The following POLR1G variants were observed in gnomAD, a reference collection of about 807,000 sequenced individuals.
POLR1G encodes RNA polymerase I subunit G.
POLR1G carries 9 observed loss-of-function variants against 6.3 expected under a neutral mutation model. That is an observed-to-expected ratio of 1.44 (90% CI 0.87 to 2.51). The LOEUF is 2.51. Among genes scored for constraint, POLR1G ranks in the 30% most tolerant of loss-of-function variants. POLR1G has a pLI of 0.00. For synonymous variants in POLR1G, 248 were observed against 256.5 expected, an observed-to-expected ratio of 0.97 and a Z score of 0.32; for missense variants, 617 against 632.5, an observed-to-expected ratio of 0.98 and a Z score of 0.26.
Position 45,408,169 on chromosome 19 carries a change from G to GCTAAGTT in POLR1G, c.201_202insCTAAGTT (p.Ile68LeufsTer54). ...GGCATGTGCCTCTCTCTGGCTCCCA[G>GCTAAGTT]ATCGTCAAGGGCAAATTGGCAGGCA... On this transcript the variant is annotated frameshift_variant, in exon 3 of 3. Coordinates refer to ENST00000309424, the MANE Select transcript of POLR1G (RefSeq NM_012099.3). LOFTEE classifies it low-confidence loss of function (END_TRUNC). The GCTAAGTT allele has an allele frequency of 6.2e-7, 1 of 1,609,554 alleles. No individual in the cohort carries two copies. Among genetic ancestry groups the GCTAAGTT allele is most frequent in the Non-Finnish European group, 8.5e-7 (1 of 1,176,720 alleles).
At position 45,410,596 on chromosome 19, in the gene POLR1G, T is replaced by TGTGTGTGG. The variant is rs896460788; in HGVS notation, c.*1096_*1097insTGTGTGGG. On this transcript the variant is annotated 3_prime_UTR_variant, in exon 3 of 3. Transcript: ENST00000309424. ...GTGTGTGTGTGTGTGTGTGTGTGTG[T>TGTGTGTGG]GGTACCCATTAACCTTCCCCATCTC... The TGTGTGTGG allele has an allele frequency of 6.6e-6, 1 of 151,610 alleles. No homozygotes were observed. Among genetic ancestry groups the TGTGTGTGG allele is most frequent in the African/African-American group, 2.4e-5 (1 of 41,082 alleles). 9.4% of individuals were successfully genotyped at this position (151,610 alleles called of 1,614,324 possible). A position where few individuals can be genotyped will look rare whatever the true frequency, so the allele number is the denominator to read the frequency against.
rs938769614 is a variant in POLR1G, at chr19:45,408,335, C to A, written c.367C>A (p.Gln123Lys). 3 of 1,608,706 alleles carry A rather than the reference C, an allele frequency of 1.9e-6. No homozygotes were observed. Among genetic ancestry groups the A allele is most frequent in the Non-Finnish European group, 2.6e-6 (3 of 1,176,278 alleles). The change falls in exon 3 of 3, where the codon CAA becomes AAA. Residue 123 changes from glutamine (Q) to lysine (K), a missense_variant. Transcript: ENST00000309424. ...CCTAAGGATCCTTGAGGGTCCCCAG[C>A]AATCCCTGTCAGGGAGCCCTCTGCA... ...GTLRILEGPQQSLSGSPLQPI... is the reference protein window; with the variant it reads ...GTLRILEGPQKSLSGSPLQPI...
rs1169924007 is a variant in POLR1G at position 45,408,929 on chromosome 19, G to GC, written c.963dup (p.Ile322HisfsTer86). 1 of 1,614,114 alleles carries GC rather than the reference G, an allele frequency of 6.2e-7. No individual in the cohort carries two copies. The highest frequency in any genetic ancestry group is 8.5e-7 in the Non-Finnish European group (1 of 1,180,014). ...GGTGAAGGTGGAGCCACTGGAGGAAGCCATCCCTCTGCCCCCTACGAAGAA... is the reference window on the plus strand; with the variant it reads ...GGTGAAGGTGGAGCCACTGGAGGAAGCCCATCCCTCTGCCCCCTACGAAGAA... On this transcript the variant is annotated frameshift_variant, in exon 3 of 3. Coordinates refer to ENST00000309424, the MANE Select transcript of POLR1G (RefSeq NM_012099.3). LOFTEE classifies it low-confidence loss of function (END_TRUNC).
rs776649533 is a variant in POLR1G, at chr19:45,409,110, C to T, written c.1142C>T (p.Ala381Val). ...AAGCCTCAGGCCCAGGCAGCTCTGG[C>T]AGCTCCCAAAAAGAAGACGAAGAAA... ...GAKPQAQAAL[A>V]APKKKTKKEK... Residue 381 changes from alanine to valine, a missense_variant, in exon 3 of 3, where the codon GCA becomes GTA. By Grantham distance (64) the Ala-to-Val change is moderately conservative (BLOSUM62 0). Transcript: ENST00000309424. 18 of 1,613,128 alleles carry T rather than the reference C, an allele frequency of 1.1e-5. No individual in the cohort carries two copies. The highest frequency in any genetic ancestry group is 1.5e-5 in the Non-Finnish European group (18 of 1,179,354).
In POLR1G at chr19:45,406,758, T is replaced by A; in HGVS notation, c.22+40T>A. ...TGACGGGGTGCGGAGGGTGCGTTGG[T>A]GGAAGGAGAAAGGGGCGTCCGAGAG... On this transcript the variant is annotated intron_variant, in intron 1 of 2. Transcript: ENST00000309424. This position sits in a 1 kb window ranked among gnomAD's most constrained non-coding sequence, Gnocchi z 4.2. The A allele has an allele frequency of 6.7e-7, 1 of 1,501,754 alleles. No individual in the cohort carries two copies. The highest frequency in any genetic ancestry group is 8.9e-7 in the Non-Finnish European group (1 of 1,128,002). The allele number at this position is 1,501,754 out of a possible 1,614,324, so 93.0% of individuals were successfully genotyped here. A position where few individuals can be genotyped will look rare whatever the true frequency, so the allele number is the denominator to read the frequency against.
rs1973518538 is a variant in POLR1G, at chr19:45,408,994, A to G, written c.1026A>G (p.Pro342=). The G allele has an allele frequency of 6.2e-7, 1 of 1,614,112 alleles. No individual in the cohort carries two copies. Among genetic ancestry groups the G allele is most frequent in the Admixed American group, 1.7e-5 (1 of 60,014 alleles). ...AGGGACAGATGGCAATGATGGAGCC[A>G]GGGACGGAGGCGATGGAGCCAGTGG... ...KEKGQMAMME[P]GTEAMEPVEP... The change falls in exon 3 of 3, where the codon CCA becomes CCG. Residue 342 remains proline, a synonymous_variant. Coordinates refer to ENST00000309424, the MANE Select transcript of POLR1G (RefSeq NM_012099.3).
At position 45,409,792 on chromosome 19, in the gene POLR1G, A is replaced by G; in HGVS notation, c.*291A>G. 1 of 728,850 alleles carries G rather than the reference A, an allele frequency of 1.4e-6. No individual in the cohort carries two copies. Among genetic ancestry groups the G allele is most frequent in the Non-Finnish European group, 2.6e-6 (1 of 391,268 alleles). The allele number at this position is 728,850 out of a possible 1,614,324, so 45.1% of individuals were successfully genotyped here. A position where few individuals can be genotyped will look rare whatever the true frequency, so the allele number is the denominator to read the frequency against. ...GGAGCTGTTTCCTGGGTAAATCTAG[A>G]GTGGGGTTTTGGTTCTTTATTTTCC... On this transcript the variant is annotated 3_prime_UTR_variant, in exon 3 of 3. Coordinates refer to ENST00000309424, the MANE Select transcript of POLR1G (RefSeq NM_012099.3).
chr19:45,409,470 A>C lies in POLR1G; in HGVS notation c.1502A>C (p.Lys501Thr). 2 of 1,611,624 alleles carry C rather than the reference A, an allele frequency of 1.2e-6. No individual in the cohort carries two copies. Among genetic ancestry groups the C allele is most frequent in the South Asian group, 2.2e-5 (2 of 90,894 alleles). ...GEEAPTGRDK[K>T]RKQQQQQPV Reference sequence around the variant, plus strand: ...GAGGCTCCCACAGGCCGGGACAAGAAGCGGAAGCAGCAGCAGCAGCAGCCT... The same window carrying C: ...GAGGCTCCCACAGGCCGGGACAAGACGCGGAAGCAGCAGCAGCAGCAGCCT... The change falls in exon 3 of 3, where the codon AAG (lysine) becomes ACG (threonine). Residue 501 changes from lysine (K) to threonine (T), a missense_variant. Coordinates refer to ENST00000309424, the MANE Select transcript of POLR1G (RefSeq NM_012099.3).
Position 45,406,868 on chromosome 19 carries a change from A to C in POLR1G, c.22+150A>C. 1.0e-6 allele frequency: 1 copy of C among 982,888 alleles called. No homozygotes were observed. Among genetic ancestry groups the C allele is most frequent in the South Asian group, 1.8e-5 (1 of 57,014 alleles). The allele number at this position is 982,888 out of a possible 1,614,324, so 60.9% of individuals were successfully genotyped here. On this transcript the variant is annotated intron_variant, in intron 1 of 2. Coordinates refer to ENST00000309424, the MANE Select transcript of POLR1G (RefSeq NM_012099.3). This position sits in a 1 kb window ranked among gnomAD's most constrained non-coding sequence, Gnocchi z 4.2. ...AGTGGGCGAACGGGAATTCGAACGG[A>C]GAGAGGGTTATCTTGTGGGGGGCTA...
In POLR1G at chr19:45,408,828, C is replaced by A. The variant is rs767701108; in HGVS notation, c.860C>A (p.Thr287Asn). Residue 287 changes from threonine (T) to asparagine (N), a missense_variant, in exon 3 of 3, where the codon ACC (threonine) becomes AAC (asparagine). By Grantham distance (65) the Thr-to-Asn change is moderately conservative. Coordinates refer to ENST00000309424, the MANE Select transcript of POLR1G (RefSeq NM_012099.3). ...EPLEDTVLSPTKKRKRQKGTE... is the reference protein window; with the variant it reads ...EPLEDTVLSPNKKRKRQKGTE... ...CTAGAAGACACAGTCCTGTCCCCGA[C>A]CAAAAAGAGAAAGAGGCAAAAGGGG... 50 of 1,613,942 alleles carry A rather than the reference C, an allele frequency of 3.1e-5. No homozygotes were observed. The highest frequency in any genetic ancestry group is 5.5e-5 in the South Asian group (5 of 91,070).
chr19:45,409,006 G>T lies in POLR1G; in HGVS notation c.1038G>T (p.Ala346=). The stretch of plus-strand genomic sequence containing the variant: ...CAATGATGGAGCCAGGGACGGAGGC[G>T]ATGGAGCCAGTGGAGCCGGAGATGA... The part of the protein sequence containing the change: ...QMAMMEPGTE[A]MEPVEPEMKP... Residue 346 remains alanine (A), a synonymous_variant, in exon 3 of 3, where the codon GCG becomes GCT. Transcript: ENST00000309424. 2 of 1,614,070 alleles carry T rather than the reference G, an allele frequency of 1.2e-6. No individual in the cohort carries two copies. Among genetic ancestry groups the T allele is most frequent in the Non-Finnish European group, 1.7e-6 (2 of 1,180,016 alleles).
At position 45,409,889 on chromosome 19, in the gene POLR1G, A is replaced by ATT. The variant is rs1184782156; in HGVS notation, c.*389_*390dup. 8.0e-5 allele frequency: 19 copies of ATT among 237,672 alleles called. No homozygotes were observed. Among genetic ancestry groups the ATT allele is most frequent in the Non-Finnish European group, 1.2e-4 (17 of 146,442 alleles). 14.7% of individuals were successfully genotyped at this position (237,672 alleles called of 1,614,324 possible). On this transcript the variant is annotated 3_prime_UTR_variant, in exon 3 of 3. Coordinates refer to ENST00000309424, the MANE Select transcript of POLR1G (RefSeq NM_012099.3). Reference sequence around the variant, plus strand: ...ACAATCTTTTTAAGTTATTATTATTATTATTATTTTTTTTTTTTTTGAGAT... The same window carrying ATT: ...ACAATCTTTTTAAGTTATTATTATTATTTTATTATTTTTTTTTTTTTTGAGAT...
In POLR1G at chr19:45,406,823, T is replaced by C; in HGVS notation, c.22+105T>C. ...AGGAGGCGTACCTGCAAGCAGGACT[T>C]GCGAAGAGCGTGCATTCCCAGTGGG... On this transcript the variant is annotated intron_variant, in intron 1 of 2. Transcript: ENST00000309424. The surrounding 1 kb of genome is among the most constrained non-coding windows in gnomAD (Gnocchi z 4.2). 8.5e-7 allele frequency: 1 copy of C among 1,174,066 alleles called. No homozygotes were observed. The highest frequency in any genetic ancestry group is 1.2e-6 in the Non-Finnish European group (1 of 857,648). 72.7% of individuals were successfully genotyped at this position (1,174,066 alleles called of 1,614,324 possible). A position where few individuals can be genotyped will look rare whatever the true frequency, so the allele number is the denominator to read the frequency against.
Position 45,408,378 on chromosome 19 carries a change from C to T in POLR1G, c.410C>T (p.Pro137Leu). 4 of 1,609,566 alleles carry T rather than the reference C, an allele frequency of 2.5e-6. No individual in the cohort carries two copies. Among genetic ancestry groups the T allele is most frequent in the East Asian group, 2.2e-5 (1 of 44,784 alleles). Residue 137 changes from proline (P) to leucine (L), a missense_variant, in exon 3 of 3, where the codon CCC (proline) becomes CTC (leucine). By Grantham distance (98) the Pro-to-Leu change is moderately conservative. Coordinates refer to ENST00000309424, the MANE Select transcript of POLR1G (RefSeq NM_012099.3). The part of the protein sequence containing the change: ...GSPLQPIPAS[P>L]PPQIPPGLRP... ...CCTCTGCAGCCCATCCCAGCAAGTC[C>T]CCCACCACAGATCCCTCCTGGCCTG... is the stretch of plus-strand genomic sequence containing the variant.
chr19:45,407,356 T>C (rs990235116), intron 2 of POLR1G, 121 bp downstream of exon 2: 3 of 915,376 alleles, frequency 3.3e-6, no homozygotes, highest in Non-Finnish European at 4.9e-6. Flanking sequence ...AACAAGTTTA[T>C]TGGAAACTAC....
At chr19:45,407,995 A>G in intron 2 of POLR1G, 138 bp from the exon 3 acceptor site, 1 of 1,126,308 alleles carries the variant, frequency 8.9e-7, no homozygotes. Context: ...TGGACATTGC[A>G]GTGAGCCGAG....
chr19:45,407,263 G>A, intron 2 of POLR1G, 28 bp downstream of exon 2: 1 of 1,602,658 alleles, frequency 6.2e-7, no homozygotes, highest in Non-Finnish European at 8.5e-7. Flanking sequence ...CGGAAAAGAG[G>A]GTCCCGGTCC....
In POLR1G at chr19:45,408,909, A is replaced by G. The variant is rs756736472; in HGVS notation, c.941A>G (p.Lys314Arg). The G allele has an allele frequency of 6.2e-7, 1 of 1,614,108 alleles. No individual in the cohort carries two copies. Among genetic ancestry groups the G allele is most frequent in the South Asian group, 1.1e-5 (1 of 91,080 alleles). ...ACAGTTGAGTCTCAGCCACAGGTGA[A>G]GGTGGAGCCACTGGAGGAAGCCATC... ...GVTVESQPQV[K>R]VEPLEEAIPL... Residue 314 changes from lysine (K) to arginine (R), a missense_variant, in exon 3 of 3, where the codon AAG becomes AGG. Transcript: ENST00000309424.
intron 2 of POLR1G, 147 bp downstream of exon 2, chr19:45,407,382 A>T (rs1451401551): frequency 1.2e-5 from 8 of 695,308 alleles, no homozygotes; most frequent in African/African-American, 7.5e-5. Context: ...TACAGAGTAG[A>T]GTGTCCTCAG....
Sources: allele counts gnomAD v4.1 joint callset, GRCh38; gene constraint gnomAD v4.1.1; non-coding constraint Gnocchi (gnomAD v3.1); transcripts MANE v1.5; gene names NCBI Gene and HGNC (gene_info 2026-07-23, HGNC 2026-07-21).